Variants in CACNA2D3 observed in about 807,000 individuals in gnomAD.
CACNA2D3 encodes calcium voltage-gated channel auxiliary subunit alpha2delta 3, also known as voltage-dependent calcium channel subunit alpha-2/delta-3.
A neutral mutation model predicts 160.6 loss-of-function variants in CACNA2D3; 60 were observed. The ratio of observed to expected loss-of-function variants is 0.37; its 90% CI spans 0.30 to 0.46. The LOEUF is 0.46. Ranked by LOEUF, CACNA2D3 falls within the 20% of genes least tolerant of loss-of-function variation. The probability of loss-of-function intolerance (pLI) is 1.00; values close to 1 mark genes in which losing one functional copy is unlikely to be tolerated. For synonymous variants in CACNA2D3, 558 were observed against 492.9 expected (o/e 1.13, Z -1.75); for missense variants, 1,205 against 1,365.0 (o/e 0.88, Z 1.85).
At chr3:54,193,393 G>A (rs1701016712) in intron 2 of CACNA2D3, among the ~76,000 whole-genome samples, 1 of 152,132 alleles carries the variant, frequency 6.6e-6, no homozygotes, top group Non-Finnish European at 1.5e-5. Flanking sequence ...TTTTTCCAGG[G>A]TTCAGTCTTT....
intron 9 of CACNA2D3, among the ~76,000 whole-genome samples, chr3:54,617,448 A>G (rs1698877925): frequency 6.6e-6 from 1 of 152,160 alleles, no homozygotes; most frequent in South Asian, 2.1e-4. Context: ...AATAAGTCAG[A>G]GGTCCCATTC....
intron 9 of CACNA2D3, chr3:54,626,402 A>C: frequency 6.3e-7 from 1 of 1,576,136 alleles, no homozygotes; most frequent in Non-Finnish European, 8.6e-7. Flanking sequence ...CGCAAGGCCA[A>C]GAAGGAGGCG....
chr3:54,960,344 C>T (rs1702001231), intron 27 of CACNA2D3, among the ~76,000 whole-genome samples: 1 of 152,070 alleles, frequency 6.6e-6, no homozygotes, highest in Non-Finnish European at 1.5e-5. Flanking sequence ...AGATTACCAA[C>T]CCCCCATACC....
At chr3:55,051,676 G>C (rs2107206356) in intron 35 of CACNA2D3, among the ~76,000 whole-genome samples, 1 of 152,280 alleles carries the variant, frequency 6.6e-6, no homozygotes, top group East Asian at 1.9e-4. Flanking sequence ...AAGCAAGCCT[G>C]GGCAATGGCG....
intron 27 of CACNA2D3, among the ~76,000 whole-genome samples, chr3:54,935,922 A>C (rs1052336423): frequency 6.6e-6 from 1 of 152,190 alleles, no homozygotes; most frequent in Non-Finnish European, 1.5e-5. Context: ...CACATCCTGC[A>C]CTTCAGGAAT....
At position 54,837,246 on chromosome 3, in the gene CACNA2D3, G is replaced by C; in HGVS notation, c.1470+16G>C. 1 of 1,611,416 alleles carries C rather than the reference G, an allele frequency of 6.2e-7. No individual in the cohort carries two copies. Among genetic ancestry groups the C allele is most frequent in the East Asian group, 2.2e-5 (1 of 44,858 alleles). Reference sequence around the variant, plus strand: ...GAACGAAACCGTGAGTACAGTCGCTGAGCTTCCTGCTTGATGCTAGGAGGG... The same window carrying C: ...GAACGAAACCGTGAGTACAGTCGCTCAGCTTCCTGCTTGATGCTAGGAGGG... On this transcript the variant is annotated intron_variant, in intron 15 of 37. Coordinates refer to ENST00000474759, the MANE Select transcript of CACNA2D3 (RefSeq NM_018398.3).
At chr3:54,256,391 G>T (rs1484818564) in intron 2 of CACNA2D3, among the ~76,000 whole-genome samples, 1 of 152,114 alleles carries the variant, frequency 6.6e-6, no homozygotes, top group African/African-American at 2.4e-5. Context: ...CCAAAAAATT[G>T]CAACCTTCAG....
chr3:54,450,871 G>A (rs1575461551), intron 4 of CACNA2D3, among the ~76,000 whole-genome samples: 1 of 152,222 alleles, frequency 6.6e-6, no homozygotes, highest in Non-Finnish European at 1.5e-5. Context: ...TCAGGGTGTG[G>A]TGCATCCTGG....
intron 3 of CACNA2D3, among the ~76,000 whole-genome samples, chr3:54,371,579 A>C (rs1162159116): frequency 1.3e-5 from 2 of 152,212 alleles, no homozygotes; most frequent in African/African-American, 4.8e-5. Context: ...GATGCACATC[A>C]CATCGTGTGC....
intron 8 of CACNA2D3, among the ~76,000 whole-genome samples, chr3:54,575,928 G>A (rs1411930716): frequency 6.6e-6 from 1 of 152,162 alleles, no homozygotes; most frequent in Non-Finnish European, 1.5e-5. Context: ...ATAGGGGGGT[G>A]GGTGAATGTG....
At chr3:54,499,797 C>A (rs1359352410) in intron 4 of CACNA2D3, among the ~76,000 whole-genome samples, 1 of 151,928 alleles carries the variant, frequency 6.6e-6, no homozygotes, top group Admixed American at 6.6e-5. Context: ...TGTTTTAGGG[C>A]CCCTGATGTG....
At chr3:54,834,553 G>A (rs566797510) in intron 14 of CACNA2D3, among the ~76,000 whole-genome samples, 1 of 152,256 alleles carries the variant, frequency 6.6e-6, no homozygotes, top group South Asian at 2.1e-4. Flanking sequence ...TTGGTTCATG[G>A]CAACACTAAC....
At chr3:54,410,611 A>G (rs1028465546) in intron 4 of CACNA2D3, among the ~76,000 whole-genome samples, 4 of 152,194 alleles carry the variant, frequency 2.6e-5, no homozygotes, top group African/African-American at 9.7e-5. Context: ...TTTTAAGCCT[A>G]TTATTTAGAC....
At chr3:54,323,468 CTT>C (rs11414571) in intron 3 of CACNA2D3, among the ~76,000 whole-genome samples, 4 of 138,476 alleles carry the variant, frequency 2.9e-5, no homozygotes, top group East Asian at 2.1e-4. Context: ...TTTTTCTTTT[CTT>C]TTTTTTTTTT....
At chr3:54,159,218 T>C (rs1024951517) in intron 2 of CACNA2D3, among the ~76,000 whole-genome samples, 6 of 152,068 alleles carry the variant, frequency 3.9e-5, no homozygotes, top group Admixed American at 1.3e-4. Context: ...GAAATAAGTT[T>C]AAGAAAAAAA....
intron 2 of CACNA2D3, among the ~76,000 whole-genome samples, chr3:54,207,933 C>T (rs969058535): frequency 2.0e-5 from 3 of 152,208 alleles, no homozygotes; most frequent in Non-Finnish European, 2.9e-5. Flanking sequence ...GAGTGACTGC[C>T]TCAGTGTGAA....
chr3:54,815,095 A>C (rs1470381892), intron 13 of CACNA2D3, among the ~76,000 whole-genome samples: 1 of 152,212 alleles, frequency 6.6e-6, no homozygotes, highest in African/African-American at 2.4e-5. Context: ...TCCTCATTTT[A>C]AACTCAGTTT....
At chr3:54,820,502 C>G (rs1703567479) in intron 14 of CACNA2D3, among the ~76,000 whole-genome samples, 1 of 152,144 alleles carries the variant, frequency 6.6e-6, no homozygotes, top group Admixed American at 6.5e-5. Context: ...CTATAAATTT[C>G]AAGCCTTGAT....
At chr3:54,859,613 C>T (rs1187490320) in intron 17 of CACNA2D3, among the ~76,000 whole-genome samples, 1 of 152,160 alleles carries the variant, frequency 6.6e-6, no homozygotes, top group Non-Finnish European at 1.5e-5. Flanking sequence ...ATAGGATTGT[C>T]CCTGGGAGCA....
Sources: allele counts gnomAD v4.1 joint callset (sites outside exome capture counted in the v4.1 genomes callset), GRCh38; gene constraint gnomAD v4.1.1; transcripts MANE v1.5; gene names NCBI Gene and HGNC (gene_info 2026-07-23, HGNC 2026-07-21).